Variants in PCNX3 observed in about 807,000 individuals in gnomAD.
PCNX3 encodes pecanex-like protein 3.
Under a neutral mutation model 207.2 loss-of-function variants are expected in PCNX3, and 58 were observed. The ratio of observed to expected loss-of-function variants is 0.28; its 90% CI spans 0.23 to 0.35. PCNX3 has a LOEUF of 0.35. Ranked by LOEUF, PCNX3 falls within the 10% of genes least tolerant of loss-of-function variation. PCNX3 has a pLI of 1.00. For synonymous variants in PCNX3, 1,337 were observed against 1,183.5 expected, an observed-to-expected ratio of 1.13 and a Z score of -2.66; for missense variants, 2,410 against 2,774.4, an observed-to-expected ratio of 0.87 and a Z score of 2.95.
At chr11:65,630,260 C>T (rs1320067167) in intron 26 of PCNX3, 91 bp from the exon 27 acceptor site, 24 of 1,497,662 alleles carry the variant, frequency 1.6e-5, no homozygotes, top group Non-Finnish European at 2.2e-5. Flanking sequence ...TGAATGGCAG[C>T]AGGCCTCTGA....
rs779995551 is a variant in PCNX3, at chr11:65,625,388, C to G, written c.3030-17C>G. 7 of 1,600,648 alleles carry G rather than the reference C, an allele frequency of 4.4e-6. No homozygotes were observed. The highest frequency in any genetic ancestry group is 5.9e-6 in the Non-Finnish European group (7 of 1,177,114). ...GGAAGGAGGGGCGGCCTCCTCCTGACTCTTCCTCACCCCCAGGTCTCTGAT... is the reference window on the plus strand; with the variant it reads ...GGAAGGAGGGGCGGCCTCCTCCTGAGTCTTCCTCACCCCCAGGTCTCTGAT... On this transcript the variant is annotated splice_polypyrimidine_tract_variant and intron_variant, in intron 17 of 34. Transcript: ENST00000355703. This position sits in a 1 kb window ranked among gnomAD's most constrained non-coding sequence, Gnocchi z 5.6.
Position 65,625,753 on chromosome 11 carries a change from G to A in PCNX3, c.3228+9G>A. On this transcript the variant is annotated intron_variant, in intron 19 of 34. Transcript: ENST00000355703. The surrounding 1 kb of genome is among the most constrained non-coding windows in gnomAD (Gnocchi z 5.6). ...TCTTTATTGCCCTGAAGGTTTGTGT[G>A]GCATGGGCCGCTGCTGCCTCTCGCT... 6.2e-7 allele frequency: 1 copy of A among 1,606,750 alleles called. No homozygotes were observed.
intron 6 of PCNX3, 23 bp downstream of exon 6, chr11:65,619,090 GGGGCTGGGGGACGTGAGCTAC>G: frequency 6.4e-7 from 1 of 1,560,498 alleles, no homozygotes; most frequent in Non-Finnish European, 8.7e-7. Context: ...TCTAGAGGCA[GGGGCTGGGGGACGTGAGCTAC>G]GGGCTTGGGG....
intron 26 of PCNX3, 51 bp downstream of exon 26, chr11:65,629,786 T>A: frequency 2.0e-6 from 3 of 1,524,736 alleles, no homozygotes; most frequent in Non-Finnish European, 2.7e-6. Context: ...GGGCCTGATG[T>A]GGGAGCTGTG....
At chr11:65,636,127 C>G in intron 32 of PCNX3, 47 bp from the exon 33 acceptor site, 2 of 1,568,562 alleles carry the variant, frequency 1.3e-6, no homozygotes, top group Non-Finnish European at 1.7e-6. Context: ...AGGCCTCTGG[C>G]CTCAGCCGTG....
intron 24 of PCNX3, 133 bp downstream of exon 24, chr11:65,629,081 G>T (rs1855516669): frequency 7.5e-7 from 1 of 1,334,774 alleles, no homozygotes; most frequent in Non-Finnish European, 1.0e-6. Flanking sequence ...GACACATGAG[G>T]CGGCAGATCC....
Position 65,618,560 on chromosome 11 carries a change from A to G in PCNX3, c.1198A>G (p.Arg400Gly). The change falls in exon 6 of 35, where the codon AGA becomes GGA. Residue 400 changes from arginine (R) to glycine (G), a missense_variant. By Grantham distance (125) the Arg-to-Gly change is moderately radical. Coordinates refer to ENST00000355703, the MANE Select transcript of PCNX3 (RefSeq NM_032223.4). ...RPSKRQPPLR[R>G]HSPPGRAPRR... Reference sequence around the variant, plus strand: ...TAGCAAACGGCAGCCACCCCTGCGAAGACACTCTCCACCTGGCCGTGCCCC... The same window carrying G: ...TAGCAAACGGCAGCCACCCCTGCGAGGACACTCTCCACCTGGCCGTGCCCC... 1.2e-6 allele frequency: 2 copies of G among 1,611,720 alleles called. No homozygotes were observed. The highest frequency in any genetic ancestry group is 1.7e-6 in the Non-Finnish European group (2 of 1,179,490).
intron 22 of PCNX3, 130 bp from the exon 23 acceptor site, chr11:65,628,465 G>A (rs560922779): frequency 3.2e-5 from 26 of 801,660 alleles, no homozygotes; most frequent in Middle Eastern, 4.6e-4. Flanking sequence ...AGGGCTGGCA[G>A]TGACCTTGAG....
In PCNX3 at chr11:65,635,366, T is replaced by C; in HGVS notation, c.5102T>C (p.Leu1701Pro). ...ILSNTPSLLA[L>P]RHVLDDASDE... ...AGCAACACGCCCTCCCTGCTGGCGC[T>C]GCGCCATGTCCTGGATGATGCCTCC... is the stretch of plus-strand genomic sequence containing the variant. The change falls in exon 31 of 35, where the codon CTG (leucine) becomes CCG (proline). Residue 1701 changes from leucine (L) to proline (P), a missense_variant. Transcript: ENST00000355703. The surrounding 1 kb of genome is among the most constrained non-coding windows in gnomAD (Gnocchi z 9.9). 6.2e-7 allele frequency: 1 copy of C among 1,611,984 alleles called. No individual in the cohort carries two copies. Among genetic ancestry groups the C allele is most frequent in the East Asian group, 2.2e-5 (1 of 44,812 alleles).
chr11:65,617,076 G>A (rs759366900), intron 2 of PCNX3, 65 bp downstream of exon 2: 20 of 1,488,970 alleles, frequency 1.3e-5, no homozygotes, highest in South Asian at 2.5e-5. Flanking sequence ...AACCTTGCAG[G>A]GTGGAGTAGG....
At chr11:65,633,431 C>T (rs1855693733) in intron 27 of PCNX3, among the ~76,000 whole-genome samples, 1 of 152,214 alleles carries the variant, frequency 6.6e-6, no homozygotes, top group African/African-American at 2.4e-5. Flanking sequence ...TGAGGCAGGC[C>T]CACTACTTCA....
chr11:65,636,255 C>G lies in PCNX3; in HGVS notation c.5541C>G (p.Thr1847=). The change falls in exon 33 of 35, where the codon ACC becomes ACG. Residue 1847 remains threonine, a synonymous_variant. Transcript: ENST00000355703. ...DSDCSGGGGL[T]SLSNNPPVAH... The stretch of plus-strand genomic sequence containing the variant: ...ACTGTAGTGGGGGCGGTGGCCTGAC[C>G]TCCCTCAGCAATAACCCCCCCGTGG... The G allele has an allele frequency of 6.3e-7, 1 of 1,592,580 alleles. No homozygotes were observed. The highest frequency in any genetic ancestry group is 1.1e-5 in the South Asian group (1 of 88,350).
rs543563927 is a variant in PCNX3 at position 65,619,801 on chromosome 11, C to T, written c.1877C>T (p.Ala626Val). ...GGCCGGGCTGCCTCCCACTCCCGGG[C>T]GCTGACGCTGCCCTCTGCGCTGCAT... is the stretch of plus-strand genomic sequence containing the variant. ...QRGRAASHSR[A>V]LTLPSALHFA... The change falls in exon 8 of 35, where the codon GCG becomes GTG. Residue 626 changes from alanine (A) to valine (V), a missense_variant. By Grantham distance (64) the Ala-to-Val change is moderately conservative. Around this residue, in one of 8 missense-constraint regions of PCNX3, gnomAD observed 1,104 missense variants for 970.3 expected, o/e 1.14. Transcript: ENST00000355703. 19 of 1,590,614 alleles carry T rather than the reference C, an allele frequency of 1.2e-5. No individual in the cohort carries two copies. The highest frequency in any genetic ancestry group is 3.4e-5 in the Admixed American group (2 of 58,248).
intron 28 of PCNX3, 66 bp from the exon 29 acceptor site, chr11:65,634,471 GC>G: frequency 6.6e-7 from 1 of 1,521,282 alleles, no homozygotes. Context: ...CTGAGCCCCA[GC>G]CCCCACTCCA....
chr11:65,636,524 G>A lies in PCNX3; in HGVS notation c.5727G>A (p.Ser1909=), dbSNP rs376856081. ...PPRLPGPPPA[S]PIPTEGPRTS... ...GGCTCCCTGGACCACCCCCTGCATC[G>A]CCTATCCCCACAGAGGGTCCCCGGA... is the stretch of plus-strand genomic sequence containing the variant. The change falls in exon 34 of 35, where the codon TCG becomes TCA. Residue 1909 remains serine (S), a synonymous_variant. Transcript: ENST00000355703. 11 of 1,586,678 alleles carry A rather than the reference G, an allele frequency of 6.9e-6. No homozygotes were observed. Among genetic ancestry groups the A allele is most frequent in the African/African-American group, 6.8e-5 (5 of 73,220 alleles).
chr11:65,628,986 C>T, intron 24 of PCNX3, 38 bp downstream of exon 24: 1 of 1,604,596 alleles, frequency 6.2e-7, no homozygotes, highest in Non-Finnish European at 8.5e-7. Context: ...CCCAGCAGGG[C>T]AGGAAGGGAG....
In PCNX3 at chr11:65,616,281, G is replaced by GA. The variant is rs1475182417; in HGVS notation, c.-30dup. On this transcript the variant is annotated 5_prime_UTR_variant, in exon 1 of 35. Coordinates refer to ENST00000355703, the MANE Select transcript of PCNX3 (RefSeq NM_032223.4). ...GGGGCCGCCCCCATGAGGGTCCCGG[G>GA]AGGGGGGGCGCGGGCAGCAGCGGCG... 1 of 1,530,220 alleles carries GA rather than the reference G, an allele frequency of 6.5e-7. No homozygotes were observed. The highest frequency in any genetic ancestry group is 2.5e-5 in the East Asian group (1 of 40,226). The allele number at this position is 1,530,220 out of a possible 1,614,324, so 94.8% of individuals were successfully genotyped here.
intron 27 of PCNX3, among the ~76,000 whole-genome samples, 168 bp downstream of exon 27, chr11:65,630,772 G>A (rs890925854): frequency 6.6e-6 from 1 of 152,218 alleles, no homozygotes; most frequent in African/African-American, 2.4e-5. Context: ...CAGACCTCAG[G>A]TTGCAGGGGC....
Position 65,636,561 on chromosome 11 carries a change from C to A in PCNX3, c.5764C>A (p.Pro1922Thr), listed in dbSNP as rs747937428. ...PTEGPRTSRPPGPGLLSSEGP... is the reference protein window; with the variant it reads ...PTEGPRTSRPTGPGLLSSEGP... The stretch of plus-strand genomic sequence containing the variant: ...AGAGGGTCCCCGGACCTCACGGCCC[C>A]CTGGCCCGGGTCTCCTCAGTTCTGA... Residue 1922 changes from proline (P) to threonine (T), a missense_variant, in exon 34 of 35, where the codon CCT becomes ACT. Physicochemically the swap from Pro to Thr is conservative, Grantham distance 38. Around this residue, in one of 8 missense-constraint regions of PCNX3, gnomAD observed 278 missense variants for 245.1 expected, o/e 1.13. Transcript: ENST00000355703. 5.6e-6 allele frequency: 9 copies of A among 1,596,170 alleles called. No homozygotes were observed. The highest frequency in any genetic ancestry group is 1.1e-5 in the South Asian group (1 of 89,518).
Sources: allele counts gnomAD v4.1 joint callset (sites outside exome capture counted in the v4.1 genomes callset), GRCh38; gene constraint gnomAD v4.1.1; regional missense constraint gnomAD v4.1.1; non-coding constraint Gnocchi (gnomAD v3.1); transcripts MANE v1.5; gene names NCBI Gene and HGNC (gene_info 2026-07-23, HGNC 2026-07-21).